Variants in INO80 observed in about 807,000 individuals in gnomAD.
INO80 encodes the protein INO80 complex ATPase subunit, also known as chromatin-remodeling ATPase INO80.
INO80 carries 20 observed loss-of-function variants against 203.4 expected under a neutral mutation model. The ratio of observed to expected loss-of-function variants is 0.10; its 90% CI spans 0.07 to 0.14. INO80 has a LOEUF of 0.14. INO80 is among the 10% of genes least tolerant of loss of function. The probability of loss-of-function intolerance (pLI) is 1.00; values close to 1 mark genes in which losing one functional copy is unlikely to be tolerated. For synonymous variants in INO80, 726 were observed against 685.2 expected, an observed-to-expected ratio of 1.06 and a Z score of -0.93; for missense variants, 1,419 against 1,914.4, an observed-to-expected ratio of 0.74 and a Z score of 4.83.
intron 16 of INO80, among the ~76,000 whole-genome samples, chr15:41,058,400 C>T (rs768140330): frequency 3.3e-5 from 5 of 152,066 alleles, no homozygotes; most frequent in Non-Finnish European, 5.9e-5. Flanking sequence ...GTGGCTCATC[C>T]CTCTAATCCC....
At chr15:41,104,624 G>C (rs1222877063) in intron 1 of INO80, among the ~76,000 whole-genome samples, 2 of 151,848 alleles carry the variant, frequency 1.3e-5, no homozygotes, top group East Asian at 3.9e-4. Context: ...TGCAACCTCC[G>C]CCTCCCAGAT....
intron 1 of INO80, among the ~76,000 whole-genome samples, chr15:41,108,449 G>A (rs752675592): frequency 1.3e-4 from 19 of 151,854 alleles, no homozygotes; most frequent in African/African-American, 3.6e-4. Flanking sequence ...AAAATTAGCC[G>A]GGCGTGGTGG....
Position 41,005,702 on chromosome 15 carries a change from A to T in INO80, c.3403-15T>A. The stretch of plus-strand genomic sequence containing the variant: ...ACCATGTATTCCTGCCAACCAGGAT[A>T]AAAGGACACAGTAAATCTGATGCAA... On this transcript the variant is annotated splice_polypyrimidine_tract_variant and intron_variant, in intron 27 of 35. Transcript: ENST00000648947. 2 of 1,379,822 alleles carry T rather than the reference A, an allele frequency of 1.4e-6. No individual in the cohort carries two copies. The highest frequency in any genetic ancestry group is 1.7e-5 in the Admixed American group (1 of 58,768). 85.5% of individuals were successfully genotyped at this position (1,379,822 alleles called of 1,614,324 possible).
At chr15:40,990,634 T>C (rs958762991) in intron 29 of INO80, among the ~76,000 whole-genome samples, 2 of 152,240 alleles carry the variant, frequency 1.3e-5, no homozygotes, top group East Asian at 1.9e-4. Flanking sequence ...TCTAGTGTCC[T>C]GCAAACCTAA....
At chr15:41,089,750 A>G (rs2045608022) in intron 5 of INO80, among the ~76,000 whole-genome samples, 1 of 152,122 alleles carries the variant, frequency 6.6e-6, no homozygotes. Flanking sequence ...TCTCAAAAAA[A>G]AAAAAAAAGA....
intron 27 of INO80, among the ~76,000 whole-genome samples, chr15:41,008,364 G>A (rs2044082151): frequency 1.3e-5 from 2 of 152,108 alleles, no homozygotes; most frequent in African/African-American, 2.4e-5. Flanking sequence ...CAACTTATAT[G>A]TGCAAGCTTA....
At chr15:41,016,256 T>C (rs775015359) in intron 26 of INO80, 41 bp from the exon 27 acceptor site, 9 of 1,598,286 alleles carry the variant, frequency 5.6e-6, no homozygotes, top group South Asian at 2.2e-5. Context: ...CTGTATTTAA[T>C]TGAAGCGACA....
At chr15:41,004,210 A>T (rs2044004230) in intron 28 of INO80, among the ~76,000 whole-genome samples, 1 of 152,216 alleles carries the variant, frequency 6.6e-6, no homozygotes, top group South Asian at 2.1e-4. Context: ...ACGGGTTTGA[A>T]GCAGATCTTC....
At chr15:41,041,700 C>A (rs1294777995) in intron 24 of INO80, among the ~76,000 whole-genome samples, 1 of 152,142 alleles carries the variant, frequency 6.6e-6, no homozygotes, top group Non-Finnish European at 1.5e-5. Flanking sequence ...GCCTTGGCCT[C>A]CCAAAGTACT....
intron 27 of INO80, chr15:41,013,071 C>CACAACAACAACA (rs775607165): frequency 2.0e-4 from 9 of 44,742 alleles, no homozygotes; most frequent in Non-Finnish European, 4.7e-4. Flanking sequence ...GGCTAAGGCA[C>CACAACAACAACA]ATAACAACAA....
At chr15:41,085,849 G>A (rs1365712090) in intron 6 of INO80, among the ~76,000 whole-genome samples, 2 of 152,106 alleles carry the variant, frequency 1.3e-5, no homozygotes, top group African/African-American at 2.4e-5. Flanking sequence ...AATAAAACCC[G>A]AGAACCAAAT....
intron 14 of INO80, among the ~76,000 whole-genome samples, chr15:41,068,939 C>G (rs977728056): frequency 2.0e-5 from 3 of 151,982 alleles, no homozygotes; most frequent in African/African-American, 7.2e-5. Context: ...AAGAGAAATG[C>G]CGTAAATGAT....
chr15:40,997,420 G>A, intron 29 of INO80, 109 bp downstream of exon 29: 1 of 729,426 alleles, frequency 1.4e-6, no homozygotes, highest in Non-Finnish European at 2.4e-6. Context: ...GCAAGTTTGT[G>A]ACACAAAAGC....
intron 28 of INO80, among the ~76,000 whole-genome samples, chr15:41,001,567 C>A (rs2043958900): frequency 1.3e-5 from 2 of 152,116 alleles, no homozygotes; most frequent in Non-Finnish European, 2.9e-5. Context: ...GGGAGAGGAT[C>A]CATTTGGTAA....
At position 41,054,744 on chromosome 15, in the gene INO80, T is replaced by C. The variant is rs367787886; in HGVS notation, c.2188+503A>G. 6.6e-5 allele frequency among the ~76,000 whole-genome samples: 10 copies of C among 152,246 alleles called. No individual in the cohort carries two copies. The South Asian group carries it at 8.3e-4, about 13-fold the overall frequency. The stretch of plus-strand genomic sequence containing the variant: ...AACTCCATCTCCTGGGTTCAAGCGA[T>C]TCACCCGCCTCAGCCTCCCGTGTAG... On this transcript the variant is annotated intron_variant, in intron 18 of 35. Transcript: ENST00000648947.
chr15:40,987,126 C>A lies in INO80; in HGVS notation c.3797G>T (p.Ser1266Ile). The part of the protein sequence containing the change: ...PDTLKPKEVV[S>I]LLLDDEELEK... Reference sequence around the variant, plus strand: ...CAACTCTTCGTCGTCTAGAAGAAGACTAACCACCTCTTTGGGTTTCAAGGT... The same window carrying A: ...CAACTCTTCGTCGTCTAGAAGAAGAATAACCACCTCTTTGGGTTTCAAGGT... The change falls in exon 31 of 36, where the codon AGT (serine) becomes ATT (isoleucine). Residue 1266 changes from serine (S) to isoleucine (I), a missense_variant. Physicochemically the swap from Ser to Ile is moderately radical, Grantham distance 142. Coordinates refer to ENST00000648947, the MANE Select transcript of INO80 (RefSeq NM_017553.3). 6.2e-7 allele frequency: 1 copy of A among 1,613,362 alleles called. No individual in the cohort carries two copies. Among genetic ancestry groups the A allele is most frequent in the Non-Finnish European group, 8.5e-7 (1 of 1,179,294 alleles).
At chr15:41,104,074 A>T (rs953124754) in intron 1 of INO80, among the ~76,000 whole-genome samples, 1 of 151,864 alleles carries the variant, frequency 6.6e-6, no homozygotes. Flanking sequence ...CAACAAAGTT[A>T]GTCAGGTGTG....
intron 5 of INO80, among the ~76,000 whole-genome samples, chr15:41,091,114 C>G (rs771089500): frequency 6.6e-6 from 1 of 151,984 alleles, no homozygotes; most frequent in African/African-American, 2.4e-5. Flanking sequence ...AGTAGAGACA[C>G]AGTTTCCTTA....
intron 34 of INO80, 88 bp from the exon 35 acceptor site, chr15:40,983,165 G>A (rs1893900149): frequency 2.7e-6 from 3 of 1,117,768 alleles, no homozygotes; most frequent in Non-Finnish European, 3.8e-6. Context: ...GACAGGGAAA[G>A]CGAGCTCTTA....
Sources: allele counts gnomAD v4.1 joint callset (sites outside exome capture counted in the v4.1 genomes callset), GRCh38; gene constraint gnomAD v4.1.1; transcripts MANE v1.5; gene names NCBI Gene and HGNC (gene_info 2026-07-23, HGNC 2026-07-21).